The following PPARGC1A variants were observed in gnomAD, a reference collection of about 807,000 sequenced individuals.
The protein encoded by PPARGC1A is peroxisome proliferator-activated receptor gamma coactivator 1-alpha.
A neutral mutation model predicts 88.7 loss-of-function variants in PPARGC1A; 25 were observed. The observed-to-expected ratio is 0.28, with a 90% CI of 0.21 to 0.39. PPARGC1A has a LOEUF of 0.39. PPARGC1A is among the 10% of genes least tolerant of loss of function. The probability of loss-of-function intolerance (pLI) is 1.00; values close to 1 mark genes in which losing one functional copy is unlikely to be tolerated. For missense variants in PPARGC1A, 880 were observed against 968.7 expected (o/e 0.91, Z 1.22); for synonymous variants, 363 against 355.6 (o/e 1.02, Z -0.24).
chr4:24,069,732 A>G, the PPARGC1A span, among the ~76,000 whole-genome samples: 1 of 152,250 alleles, frequency 6.6e-6, no homozygotes, highest in Admixed American at 6.5e-5. Flanking sequence ...TGCAAAGGAA[A>G]TAAAGTAATT....
chr4:24,129,189 A>G, the PPARGC1A span, among the ~76,000 whole-genome samples: 1 of 152,206 alleles, frequency 6.6e-6, no homozygotes, highest in Admixed American at 6.5e-5. Context: ...AATGGGGGGA[A>G]AGAGTGCTGG....
the PPARGC1A span, among the ~76,000 whole-genome samples, chr4:23,912,102 A>G: frequency 3.5e-3 from 531 of 152,320 alleles, 2 homozygotes; most frequent in African/African-American, 0.012. Context: ...TTTTTTAGAA[A>G]AGGAGAGACA....
chr4:24,017,204 T>G, the PPARGC1A span, among the ~76,000 whole-genome samples: 60 of 152,180 alleles, frequency 3.9e-4, 1 homozygote, highest in Non-Finnish European at 2.5e-4. Context: ...TGTAAAATTT[T>G]TGAAACTCTG....
the PPARGC1A span, among the ~76,000 whole-genome samples, chr4:24,077,408 A>T: frequency 6.6e-6 from 1 of 152,124 alleles, no homozygotes; most frequent in Middle Eastern, 3.2e-3. Context: ...CCATTATTTT[A>T]TTCCCATGGC....
the PPARGC1A span, among the ~76,000 whole-genome samples, chr4:24,114,849 T>G: frequency 6.6e-6 from 1 of 152,268 alleles, no homozygotes; most frequent in East Asian, 1.9e-4. Context: ...CGTGGGTAAA[T>G]AGAAATTCCT....
At chr4:23,906,279 G>A (rs1232150552), upstream of PPARGC1A, among the ~76,000 whole-genome samples, 2 of 151,978 alleles carry the variant, frequency 1.3e-5, no homozygotes, top group East Asian at 1.9e-4. Context: ...AAAGGCCGGA[G>A]TAAAACACAT....
the PPARGC1A span, among the ~76,000 whole-genome samples, chr4:24,153,417 A>G: frequency 6.6e-6 from 1 of 152,148 alleles, no homozygotes; most frequent in African/African-American, 2.4e-5. Context: ...CTGAACAAAA[A>G]TGAAATTAAA....
At chr4:23,989,985 A>G in the PPARGC1A span, among the ~76,000 whole-genome samples, 1 of 147,444 alleles carries the variant, frequency 6.8e-6, no homozygotes, top group Admixed American at 6.8e-5. Context: ...ATATACATAT[A>G]TATGTATTTA....
At chr4:24,238,745 ATGTGTGTGTG>A in the PPARGC1A span, among the ~76,000 whole-genome samples, 3,400 of 121,836 alleles carry the variant, frequency 0.028, 128 homozygotes, top group African/African-American at 0.084. Flanking sequence ...AAGGTTGTAT[ATGTGTGTGTG>A]TGTGTGTGTG....
the PPARGC1A span, among the ~76,000 whole-genome samples, chr4:24,096,006 A>T: frequency 6.6e-6 from 1 of 152,042 alleles, no homozygotes; most frequent in Non-Finnish European, 1.5e-5. Flanking sequence ...TATGGTTTGG[A>T]TTTGTGTCCC....
At chr4:24,235,862 T>C in the PPARGC1A span, among the ~76,000 whole-genome samples, 1 of 152,156 alleles carries the variant, frequency 6.6e-6, no homozygotes, top group African/African-American at 2.4e-5. Context: ...TGAACTGCCT[T>C]TTCCAAGCAG....
chr4:24,392,470 T>A, the PPARGC1A span, among the ~76,000 whole-genome samples: 3 of 152,204 alleles, frequency 2.0e-5, no homozygotes, highest in Non-Finnish European at 4.4e-5. Context: ...AGCAGAGCTA[T>A]TTTTTATAGA....
At chr4:24,109,825 A>C in the PPARGC1A span, among the ~76,000 whole-genome samples, 1 of 152,146 alleles carries the variant, frequency 6.6e-6, no homozygotes, top group African/African-American at 2.4e-5. Flanking sequence ...TGTGTTCTTG[A>C]AAATGCGTTC....
At chr4:24,238,745 ATGTG>A in the PPARGC1A span, among the ~76,000 whole-genome samples, 9,777 of 121,396 alleles carry the variant, frequency 0.081, 368 homozygotes, top group South Asian at 0.16. Context: ...AAGGTTGTAT[ATGTG>A]TGTGTGTGTG....
the PPARGC1A span, among the ~76,000 whole-genome samples, chr4:24,465,887 T>C: frequency 6.6e-6 from 1 of 152,182 alleles, no homozygotes; most frequent in Non-Finnish European, 1.5e-5. Context: ...TGTAACTATA[T>C]GTAGCACAAG....
At chr4:24,197,029 A>G in the PPARGC1A span, among the ~76,000 whole-genome samples, 2 of 152,184 alleles carry the variant, frequency 1.3e-5, no homozygotes, top group Non-Finnish European at 2.9e-5. Context: ...AAAAACTTAC[A>G]CGGTGAAAGG....
At chr4:24,337,227 G>T in the PPARGC1A span, among the ~76,000 whole-genome samples, 1 of 152,098 alleles carries the variant, frequency 6.6e-6, no homozygotes, top group South Asian at 2.1e-4. Context: ...GACTCTCACC[G>T]CCCCACCCAA....
chr4:23,967,433 G>T, the PPARGC1A span, among the ~76,000 whole-genome samples: 1 of 152,180 alleles, frequency 6.6e-6, no homozygotes, highest in Non-Finnish European at 1.5e-5. Context: ...CCACATGTCA[G>T]CTGGGTAGGT....
At chr4:24,095,508 A>G in the PPARGC1A span, among the ~76,000 whole-genome samples, 3 of 152,064 alleles carry the variant, frequency 2.0e-5, no homozygotes, top group Non-Finnish European at 2.9e-5. Flanking sequence ...TGTCCTTATA[A>G]AAAGGGGAAA....
Sources: allele counts gnomAD v4.1 joint callset (sites outside exome capture counted in the v4.1 genomes callset), GRCh38; gene constraint gnomAD v4.1.1; transcripts MANE v1.5; gene names NCBI Gene and HGNC (gene_info 2026-07-23, HGNC 2026-07-21).